Variants in GABRB3 observed in about 807,000 individuals in gnomAD.
The protein encoded by GABRB3 is gamma-aminobutyric acid receptor subunit beta-3.
In GABRB3, 14 loss-of-function variants were observed where a neutral mutation model predicts 52.1. The ratio of observed to expected loss-of-function variants is 0.27; its 90% CI spans 0.18 to 0.42. The LOEUF is 0.42. Ranked by LOEUF, GABRB3 falls within the 10% of genes least tolerant of loss-of-function variation. The pLI, the probability that GABRB3 is intolerant of heterozygous loss-of-function variation, is 1.00. For missense variants in GABRB3, 307 were observed against 609.1 expected, an observed-to-expected ratio of 0.50 and a Z score of 5.22; for synonymous variants, 260 against 232.3, an observed-to-expected ratio of 1.12 and a Z score of -1.08.
Position 26,764,927 on chromosome 15 carries a change from G to A in GABRB3, c.240+7475C>T, listed in dbSNP as rs544489586. Reference sequence around the variant, plus strand: ...AGGTGGATCACGAGGTCAGAAGATCGAGACCATCCTGGCTAACACGGTGAA... The same window carrying A: ...AGGTGGATCACGAGGTCAGAAGATCAAGACCATCCTGGCTAACACGGTGAA... On this transcript the variant is annotated intron_variant, in intron 3 of 8. Coordinates refer to ENST00000311550, the MANE Select transcript of GABRB3 (RefSeq NM_000814.6). 8.5e-5 allele frequency among the ~76,000 whole-genome samples: 13 copies of A among 152,058 alleles called. No homozygotes were observed. The East Asian group carries it at 1.6e-3, about 18-fold the overall frequency.
At chr15:26,715,022 C>CA (rs1889422590) in intron 3 of GABRB3, among the ~76,000 whole-genome samples, 1 of 152,020 alleles carries the variant, frequency 6.6e-6, no homozygotes, top group African/African-American at 2.4e-5. Flanking sequence ...CAGTTAGGCA[C>CA]AAAAAACAAG....
chr15:26,552,939 C>CT (rs1163123943), intron 8 of GABRB3, among the ~76,000 whole-genome samples: 4 of 152,072 alleles, frequency 2.6e-5, no homozygotes, highest in African/African-American at 9.7e-5. Context: ...CCAAATATGT[C>CT]TGATTTTGAA....
intron 3 of GABRB3, among the ~76,000 whole-genome samples, chr15:26,638,534 C>A (rs527712817): frequency 6.6e-6 from 1 of 152,292 alleles, no homozygotes; most frequent in African/African-American, 2.4e-5. Context: ...GCCGGAGACC[C>A]CTCTGAGTGC....
At chr15:26,611,532 G>A (rs1892071236) in intron 4 of GABRB3, among the ~76,000 whole-genome samples, 1 of 152,114 alleles carries the variant, frequency 6.6e-6, no homozygotes, top group South Asian at 2.1e-4. Flanking sequence ...GTCTAATTCA[G>A]ATTTGATCTC....
intron 8 of GABRB3, among the ~76,000 whole-genome samples, chr15:26,558,847 A>AAAAAAG (rs1555401245): frequency 5.3e-5 from 8 of 151,846 alleles, no homozygotes; most frequent in African/African-American, 1.9e-4. Flanking sequence ...TCAAAAAAAA[A>AAAAAAG]AAAGAAAGAA....
At chr15:26,599,453 G>A (rs8037653) in intron 4 of GABRB3, among the ~76,000 whole-genome samples, 1 of 151,984 alleles carries the variant, frequency 6.6e-6, no homozygotes, top group Non-Finnish European at 1.5e-5. Context: ...ATAGCAAAAG[G>A]GCCCAGCCAG....
chr15:26,712,564 G>C (rs576328995), intron 3 of GABRB3, among the ~76,000 whole-genome samples: 1 of 152,088 alleles, frequency 6.6e-6, no homozygotes, highest in Non-Finnish European at 1.5e-5. Context: ...CCGAGAGCCC[G>C]TGACTCCAGA....
chr15:26,590,540 G>A (rs1348662584), intron 4 of GABRB3, among the ~76,000 whole-genome samples: 1 of 152,176 alleles, frequency 6.6e-6, no homozygotes, highest in Admixed American at 6.5e-5. Context: ...CTAGGATGTT[G>A]GACCTAAGTC....
chr15:26,737,276 A>C (rs1890089689), intron 3 of GABRB3, among the ~76,000 whole-genome samples: 1 of 151,986 alleles, frequency 6.6e-6, no homozygotes, highest in South Asian at 2.1e-4. Context: ...TGTACAAAAC[A>C]AGACTGAGCA....
intron 3 of GABRB3, among the ~76,000 whole-genome samples, chr15:26,673,579 GC>G (rs1344232101): frequency 1.3e-5 from 2 of 152,160 alleles, no homozygotes; most frequent in Non-Finnish European, 2.9e-5. Context: ...TCCATTCTTA[GC>G]CATGGAGCAA....
chr15:26,582,749 A>G (rs1040564565), intron 5 of GABRB3, among the ~76,000 whole-genome samples: 6 of 152,228 alleles, frequency 3.9e-5, no homozygotes, highest in Admixed American at 1.3e-4. Context: ...GTTATAAACC[A>G]GTTCATAATA....
At chr15:26,631,649 A>G (rs1278676641) in intron 3 of GABRB3, among the ~76,000 whole-genome samples, 2 of 152,172 alleles carry the variant, frequency 1.3e-5, no homozygotes, top group South Asian at 2.1e-4. Flanking sequence ...CTTCCTTTGT[A>G]GTCATTCCTA....
At chr15:26,639,985 T>C (rs1893155694) in intron 3 of GABRB3, among the ~76,000 whole-genome samples, 1 of 152,168 alleles carries the variant, frequency 6.6e-6, no homozygotes, top group Admixed American at 6.5e-5. Context: ...CATATTTTGG[T>C]TTGAAAGTCA....
At chr15:26,663,668 C>G (rs1157400503) in intron 3 of GABRB3, among the ~76,000 whole-genome samples, 1 of 152,178 alleles carries the variant, frequency 6.6e-6, no homozygotes, top group African/African-American at 2.4e-5. Flanking sequence ...CTGAAAATCC[C>G]TGTCTTTAAA....
intron 3 of GABRB3, chr15:26,642,509 C>A (rs966053776): frequency 7.8e-7 from 1 of 1,288,554 alleles, no homozygotes; most frequent in Admixed American, 2.3e-5. Flanking sequence ...TGAATCCTAG[C>A]TGTGCAGTTC....
intron 4 of GABRB3, among the ~76,000 whole-genome samples, chr15:26,591,638 G>C (rs942726369): frequency 6.6e-6 from 1 of 152,148 alleles, no homozygotes; most frequent in Non-Finnish European, 1.5e-5. Flanking sequence ...AAGTTCTTAA[G>C]GACTACACCG....
At chr15:26,741,196 A>C (rs545228343) in intron 3 of GABRB3, among the ~76,000 whole-genome samples, 9 of 152,304 alleles carry the variant, frequency 5.9e-5, no homozygotes, top group Middle Eastern at 3.4e-3. Context: ...GCTTAGGGTC[A>C]GAGTGGAAAA....
intron 3 of GABRB3, chr15:26,716,580 G>T: frequency 1.0e-6 from 1 of 992,732 alleles, no homozygotes; most frequent in Non-Finnish European, 1.2e-6. Context: ...CTCACAGCCT[G>T]CCTCACATCA....
intron 7 of GABRB3, among the ~76,000 whole-genome samples, chr15:26,565,778 C>T (rs1414998658): frequency 6.6e-6 from 1 of 152,114 alleles, no homozygotes. Context: ...ATCATGGTTC[C>T]TTGGTACTCA....
Sources: gnomAD v4.1 joint callset for allele counts (sites outside exome capture counted in the v4.1 genomes callset) on GRCh38, gnomAD v4.1.1 for gene constraint, MANE v1.5 for transcripts, NCBI Gene and HGNC (gene_info 2026-07-23, HGNC 2026-07-21) for gene names.